PCNX3: variants seen among roughly 807,000 people sequenced by gnomAD.
PCNX3 encodes pecanex-like protein 3.
PCNX3 carries 58 observed loss-of-function variants against 207.2 expected under a neutral mutation model. That is an observed-to-expected ratio of 0.28 (90% CI 0.23 to 0.35). The LOEUF (loss-of-function observed/expected upper bound fraction) is 0.35. PCNX3 is among the 10% of genes least tolerant of loss of function. PCNX3 has a pLI of 1.00. For synonymous variants in PCNX3, 1,337 were observed against 1,183.5 expected, an observed-to-expected ratio of 1.13 and a Z score of -2.66; for missense variants, 2,410 against 2,774.4, an observed-to-expected ratio of 0.87 and a Z score of 2.95.
In PCNX3 at chr11:65,618,913, A is replaced by G; in HGVS notation, c.1551A>G (p.Pro517=). 8 of 1,608,784 alleles carry G rather than the reference A, an allele frequency of 5.0e-6. No homozygotes were observed. Among genetic ancestry groups the G allele is most frequent in the Non-Finnish European group, 6.8e-6 (8 of 1,178,508 alleles). Residue 517 remains proline (P), a synonymous_variant, in exon 6 of 35, where the codon CCA becomes CCG. Coordinates refer to ENST00000355703, the MANE Select transcript of PCNX3 (RefSeq NM_032223.4). ...DGAGGDVLRP[P]LAGCKAELEA... is the part of the protein sequence containing the mutation. ...CTGGGGGTGATGTTCTGAGGCCCCC[A>G]CTGGCTGGCTGCAAGGCAGAGCTGG...
chr11:65,630,745 C>T, intron 27 of PCNX3, 141 bp downstream of exon 27: 2 of 1,239,054 alleles, frequency 1.6e-6, no homozygotes, highest in East Asian at 2.6e-5. Context: ...TTTAAGTGTC[C>T]CCTGAGGTGC....
Position 65,618,622 on chromosome 11 carries a change from G to C in PCNX3, c.1260G>C (p.Glu420Asp). Residue 420 changes from glutamate to aspartate, a missense_variant, in exon 6 of 35, where the codon GAG becomes GAC. Physicochemically the swap from Glu to Asp is conservative, Grantham distance 45. Transcript: ENST00000355703. Reference sequence around the variant, plus strand: ...TGCTTGAAGGTGGGGGCTTCTTTGAGGATGAAGACACTAGTGAGGGCAGTG... The same window carrying C: ...TGCTTGAAGGTGGGGGCTTCTTTGACGATGAAGACACTAGTGAGGGCAGTG... Reference protein sequence around the residue: ...RPLLEGGGFFEDEDTSEGSEL... With the variant: ...RPLLEGGGFFDDEDTSEGSEL... 6.2e-7 allele frequency: 1 copy of C among 1,612,810 alleles called. No individual in the cohort carries two copies. Among genetic ancestry groups the C allele is most frequent in the Non-Finnish European group, 8.5e-7 (1 of 1,179,828 alleles).
At chr11:65,619,345 G>A (rs1854943703) in intron 6 of PCNX3, 192 bp from the exon 7 acceptor site, 1 of 776,662 alleles carries the variant, frequency 1.3e-6, no homozygotes, top group African/African-American at 1.9e-5. Flanking sequence ...GGGTGGGGCA[G>A]GGCCGATCAG....
At chr11:65,617,573 A>T (rs763631625) in intron 4 of PCNX3, 38 bp from the exon 5 acceptor site, 7 of 1,613,626 alleles carry the variant, frequency 4.3e-6, no homozygotes, top group Non-Finnish European at 5.9e-6. Context: ...GTGCTGTGCC[A>T]GGGGGTCCTG....
In PCNX3 at chr11:65,618,714, C is replaced by G. The variant is rs946620141; in HGVS notation, c.1352C>G (p.Ser451Cys). 7 of 1,612,878 alleles carry G rather than the reference C, an allele frequency of 4.3e-6. No individual in the cohort carries two copies. The Middle Eastern group carries it at 4.9e-4, about 114-fold the overall frequency. ...AGTACTGACAGCTCCTCTTCTACTT[C>G]CTGCTACTCCCCTGAGAGCTCCCGG... is the stretch of plus-strand genomic sequence containing the variant. ...RYSTDSSSST[S>C]CYSPESSRGA... Residue 451 changes from serine (S) to cysteine (C), a missense_variant, in exon 6 of 35, where the codon TCC becomes TGC. By Grantham distance (112) the Ser-to-Cys change is moderately radical (BLOSUM62 -1). Transcript: ENST00000355703.
rs917829347 is a variant in PCNX3, at chr11:65,635,863, C to T, written c.5459+60C>T. On this transcript the variant is annotated intron_variant, in intron 32 of 34. Coordinates refer to ENST00000355703, the MANE Select transcript of PCNX3 (RefSeq NM_032223.4). The surrounding 1 kb of genome is among the most constrained non-coding windows in gnomAD (Gnocchi z 9.9). ...GAGGAAGCTGAGGTGCAGTACGTCC[C>T]TCCTGGGTCTCAGAGGGAGGACGTG... The T allele has an allele frequency of 6.5e-6, 10 of 1,527,212 alleles. No homozygotes were observed. The highest frequency in any genetic ancestry group is 4.1e-5 in the African/African-American group (3 of 73,380). The allele number at this position is 1,527,212 out of a possible 1,614,324, so 94.6% of individuals were successfully genotyped here.
At chr11:65,617,137 T>C (rs972545370) in intron 2 of PCNX3, 113 bp from the exon 3 acceptor site, 7 of 1,389,646 alleles carry the variant, frequency 5.0e-6, no homozygotes, top group Middle Eastern at 2.5e-4. Flanking sequence ...TGTCCTGTGT[T>C]AGCCCTGGAA....
In PCNX3 at chr11:65,618,711, C is replaced by T; in HGVS notation, c.1349C>T (p.Thr450Ile). The change falls in exon 6 of 35, where the codon ACT (threonine) becomes ATT (isoleucine). Residue 450 changes from threonine (T) to isoleucine (I), a missense_variant. Physicochemically the swap from Thr to Ile is moderately conservative, Grantham distance 89. This residue lies in a region of PCNX3 where 1,104 missense variants were observed against 970.3 expected (regional missense o/e 1.14). Coordinates refer to ENST00000355703, the MANE Select transcript of PCNX3 (RefSeq NM_032223.4). ...TACAGTACTGACAGCTCCTCTTCTA[C>T]TTCCTGCTACTCCCCTGAGAGCTCC... is the stretch of plus-strand genomic sequence containing the variant. ...RRYSTDSSSS[T>I]SCYSPESSRG... is the part of the protein sequence containing the mutation. The T allele has an allele frequency of 6.2e-7, 1 of 1,612,952 alleles. No individual in the cohort carries two copies. Among genetic ancestry groups the T allele is most frequent in the East Asian group, 2.2e-5 (1 of 44,866 alleles).
In PCNX3 at chr11:65,629,579, C is replaced by T; in HGVS notation, c.4060C>T (p.His1354Tyr). ...FYEHLTRSLQ[H>Y]TLCGDLVLGR... ...TGAGCACTTGACACGTTCGCTGCAG[C>T]ACACACTGTGTGGGGACCTGGTGCT... The change falls in exon 26 of 35, where the codon CAC becomes TAC. Residue 1354 changes from histidine to tyrosine, a missense_variant. Around this residue, in one of 8 missense-constraint regions of PCNX3, gnomAD observed 420 missense variants for 705.3 expected, o/e 0.60. Coordinates refer to ENST00000355703, the MANE Select transcript of PCNX3 (RefSeq NM_032223.4). The T allele has an allele frequency of 6.2e-7, 1 of 1,613,494 alleles. No individual in the cohort carries two copies. The highest frequency in any genetic ancestry group is 8.5e-7 in the Non-Finnish European group (1 of 1,179,748).
chr11:65,616,386 G>A lies in PCNX3; in HGVS notation c.75G>A (p.Pro25=), dbSNP rs773512658. The A allele has an allele frequency of 5.0e-6, 8 of 1,609,250 alleles. No individual in the cohort carries two copies. The highest frequency in any genetic ancestry group is 5.1e-6 in the Non-Finnish European group (6 of 1,178,784). The change falls in exon 1 of 35, where the codon CCG becomes CCA. Residue 25 remains proline (P), a synonymous_variant. Transcript: ENST00000355703. ...ASLTGGWFFD[P]HQSTFSNCFH... The stretch of plus-strand genomic sequence containing the variant: ...TCACCGGCGGTTGGTTCTTCGACCC[G>A]CACCAGAGCACCTTCTCCAACTGCT...
rs1854719212 is a variant in PCNX3 at position 65,616,221 on chromosome 11, C to A, written c.-91C>A. 3 of 1,119,506 alleles carry A rather than the reference C, an allele frequency of 2.7e-6. No individual in the cohort carries two copies. The highest frequency in any genetic ancestry group is 3.1e-4 in the Middle Eastern group (1 of 3,246). 69.3% of individuals were successfully genotyped at this position (1,119,506 alleles called of 1,614,324 possible). ...CATGGCGTGAGCGTGAGGCCGGGCC[C>A]CGGGGCCCTCAGGCGCCAGACGGGG... On this transcript the variant is annotated 5_prime_UTR_variant, in exon 1 of 35. Coordinates refer to ENST00000355703, the MANE Select transcript of PCNX3 (RefSeq NM_032223.4).
rs1443554245 is a variant in PCNX3 at position 65,629,318 on chromosome 11, CTT to C, written c.3942-38_3942-37del. 3.1e-6 allele frequency: 5 copies of C among 1,592,092 alleles called. No homozygotes were observed. The African/African-American group carries it at 6.7e-5, about 21-fold the overall frequency. ...TGAGCAGGGTGCACCCTCTCTTCAC[CTT>C]CTTGGCCAACCGCCTTGTTGCACTC... On this transcript the variant is annotated intron_variant, in intron 24 of 34. Transcript: ENST00000355703.
chr11:65,617,788 TG>T, intron 5 of PCNX3, 82 bp downstream of exon 5: 1 of 1,509,424 alleles, frequency 6.6e-7, no homozygotes, highest in Non-Finnish European at 9.0e-7. Flanking sequence ...GGCTCCATCC[TG>T]GGTCTCCTCT....
At chr11:65,633,858 G>A (rs1452016174) in intron 27 of PCNX3, among the ~76,000 whole-genome samples, 4 of 152,250 alleles carry the variant, frequency 2.6e-5, no homozygotes, top group African/African-American at 9.6e-5. Flanking sequence ...GCAGAGGCAG[G>A]CAGATGCTGC....
At chr11:65,626,787 C>T (rs915745081) in intron 20 of PCNX3, 117 bp from the exon 21 acceptor site, 3 of 1,461,570 alleles carry the variant, frequency 2.1e-6, no homozygotes, top group South Asian at 2.5e-5. Context: ...AGATCAGCCC[C>T]TCCCCCCAGG....
At chr11:65,616,536 C>T (rs1854738499) in intron 1 of PCNX3, 72 bp downstream of exon 1, 4 of 1,493,184 alleles carry the variant, frequency 2.7e-6, no homozygotes, top group African/African-American at 2.8e-5. Context: ...CAGGGCAGTG[C>T]CCTGGGCTCT....
At position 65,616,147 on chromosome 11, in the gene PCNX3, C is replaced by T. The variant is rs1854713407; in HGVS notation, c.-165C>T. The T allele has an allele frequency of 2.3e-6, 1 of 441,274 alleles. No homozygotes were observed. The highest frequency in any genetic ancestry group is 4.0e-5 in the East Asian group (1 of 24,944). 27.3% of individuals were successfully genotyped at this position (441,274 alleles called of 1,614,324 possible). A position where few individuals can be genotyped will look rare whatever the true frequency, so the allele number is the denominator to read the frequency against. ...TGACTGTCCCGGCCGGCCCCGCCCCCTGCTCGCACCCTCGCGCGGCCGAGC... is the reference window on the plus strand; with the variant it reads ...TGACTGTCCCGGCCGGCCCCGCCCCTTGCTCGCACCCTCGCGCGGCCGAGC... On this transcript the variant is annotated 5_prime_UTR_variant, in exon 1 of 35. Transcript: ENST00000355703.
chr11:65,623,772 C>T, intron 12 of PCNX3, 128 bp downstream of exon 12: 1 of 1,520,440 alleles, frequency 6.6e-7, no homozygotes, highest in Non-Finnish European at 9.0e-7. Context: ...TAGAGCTGGC[C>T]AGCTCTTTTA....
intron 8 of PCNX3, 128 bp downstream of exon 8, chr11:65,620,060 T>C (rs910395216): frequency 9.3e-7 from 1 of 1,080,654 alleles, no homozygotes. Context: ...ACATCATCCT[T>C]GCAGCCTCTT....
Sources: allele counts gnomAD v4.1 joint callset (sites outside exome capture counted in the v4.1 genomes callset), GRCh38; gene constraint gnomAD v4.1.1; regional missense constraint gnomAD v4.1.1; non-coding constraint Gnocchi (gnomAD v3.1); transcripts MANE v1.5; gene names NCBI Gene and HGNC (gene_info 2026-07-23, HGNC 2026-07-21).